Variants in CNTLN observed in about 807,000 individuals in gnomAD.
The protein encoded by CNTLN is centlein.
In CNTLN, 212 loss-of-function variants were observed where a neutral mutation model predicts 180.0. That is an observed-to-expected ratio of 1.18 (90% CI 1.05 to 1.32). The LOEUF (loss-of-function observed/expected upper bound fraction) is 1.32. CNTLN is among the 40% of genes most tolerant of loss of function. The pLI, the probability that CNTLN is intolerant of heterozygous loss-of-function variation, is 0.00. For synonymous variants in CNTLN, 722 were observed against 563.1 expected (o/e 1.28, Z -3.99); for missense variants, 2,095 against 1,610.9 (o/e 1.30, Z -5.14).
intron 6 of CNTLN, among the ~76,000 whole-genome samples, chr9:17,280,035 C>T (rs1781669384): frequency 1.3e-5 from 2 of 152,108 alleles, no homozygotes; most frequent in South Asian, 4.2e-4. Context: ...AGGTCCTCAG[C>T]AGATGGAACC....
intron 12 of CNTLN, among the ~76,000 whole-genome samples, chr9:17,352,347 T>C (rs1453886201): frequency 6.7e-6 from 1 of 150,224 alleles, no homozygotes; most frequent in Non-Finnish European, 1.5e-5. Flanking sequence ...AGCCATTATT[T>C]TTTTCCTCTG....
intron 23 of CNTLN, among the ~76,000 whole-genome samples, chr9:17,474,246 A>C (rs1832207216): frequency 6.6e-6 from 1 of 152,150 alleles, no homozygotes; most frequent in Admixed American, 6.5e-5. Context: ...TAGGCATCTC[A>C]AACTTAACAT....
At chr9:17,296,463 A>G (rs1338064261) in intron 6 of CNTLN, among the ~76,000 whole-genome samples, 1 of 152,134 alleles carries the variant, frequency 6.6e-6, no homozygotes, top group Non-Finnish European at 1.5e-5. Context: ...ATGTTTTAAC[A>G]CTGTATTGAA....
intron 2 of CNTLN, among the ~76,000 whole-genome samples, chr9:17,173,094 C>T (rs141997977): frequency 5.9e-5 from 9 of 152,158 alleles, no homozygotes; most frequent in East Asian, 3.9e-4. Flanking sequence ...TCAAAAAGAA[C>T]GAATAGTACA....
intron 18 of CNTLN, among the ~76,000 whole-genome samples, chr9:17,417,751 C>T (rs187540836): frequency 1.3e-5 from 2 of 152,062 alleles, no homozygotes; most frequent in African/African-American, 4.8e-5. Context: ...CCTAGGGATT[C>T]AACTAAAAAT....
intron 12 of CNTLN, among the ~76,000 whole-genome samples, chr9:17,363,341 A>C (rs993292188): frequency 4.7e-4 from 71 of 152,322 alleles, no homozygotes; most frequent in East Asian, 9.7e-4. Flanking sequence ...TTCCACCAGC[A>C]GTGTAAGAGC....
intron 2 of CNTLN, among the ~76,000 whole-genome samples, chr9:17,179,178 A>C (rs1029989582): frequency 8.0e-5 from 11 of 137,726 alleles, no homozygotes; most frequent in African/African-American, 2.6e-4. Context: ...CGGGAGGCGG[A>C]GCTTGCAGTG....
At chr9:17,416,572 AC>A (rs1760201903) in intron 18 of CNTLN, among the ~76,000 whole-genome samples, 1 of 152,212 alleles carries the variant, frequency 6.6e-6, no homozygotes. Context: ...ATGATAAGTT[AC>A]ATTATTAAAC....
chr9:17,230,002 T>C (rs1032114379), intron 3 of CNTLN, among the ~76,000 whole-genome samples: 18 of 152,286 alleles, frequency 1.2e-4, no homozygotes, highest in African/African-American at 4.1e-4. Context: ...TGGAGTTTAA[T>C]TGAGCTGAAA....
At chr9:17,148,020 A>C (rs1189637777) in intron 2 of CNTLN, among the ~76,000 whole-genome samples, 2 of 152,198 alleles carry the variant, frequency 1.3e-5, no homozygotes, top group Non-Finnish European at 2.9e-5. Context: ...CTGTCTGTGT[A>C]GATGTGTTGT....
At chr9:17,235,537 G>C (rs527607052) in intron 3 of CNTLN, 121 bp from the exon 4 acceptor site, 389 of 772,512 alleles carry the variant, frequency 5.0e-4, no homozygotes, top group Middle Eastern at 1.6e-3. Context: ...TGTGGTGACA[G>C]ACATTATTAT....
intron 25 of CNTLN, among the ~76,000 whole-genome samples, chr9:17,497,835 C>G (rs1833538355): frequency 6.6e-6 from 1 of 152,102 alleles, no homozygotes; most frequent in Non-Finnish European, 1.5e-5. Flanking sequence ...TCTTTAACTA[C>G]AAGATAACAG....
intron 14 of CNTLN, among the ~76,000 whole-genome samples, chr9:17,392,188 G>A (rs111432600): frequency 6.6e-6 from 1 of 152,192 alleles, no homozygotes; most frequent in South Asian, 2.1e-4. Flanking sequence ...GATCACTTGA[G>A]CCCAGGAGGT....
chr9:17,161,676 T>G (rs1159358658), intron 2 of CNTLN, among the ~76,000 whole-genome samples: 2 of 152,342 alleles, frequency 1.3e-5, no homozygotes, highest in East Asian at 3.9e-4. Flanking sequence ...GAGTTTGGAG[T>G]AAAGCAAGAA....
intron 21 of CNTLN, among the ~76,000 whole-genome samples, chr9:17,465,488 CTA>C (rs1341048240): frequency 4.0e-5 from 6 of 150,172 alleles, no homozygotes; most frequent in East Asian, 3.9e-4. Context: ...AACTGAAAAA[CTA>C]TTTTTTCTGT....
intron 19 of CNTLN, among the ~76,000 whole-genome samples, chr9:17,460,911 C>T (rs563163485): frequency 2.0e-5 from 3 of 151,324 alleles, no homozygotes; most frequent in East Asian, 1.9e-4. Flanking sequence ...TAGAAGTATG[C>T]GTATTAAGGG....
chr9:17,481,689 A>G (rs1832656176), intron 23 of CNTLN, among the ~76,000 whole-genome samples: 1 of 152,216 alleles, frequency 6.6e-6, no homozygotes, highest in South Asian at 2.1e-4. Flanking sequence ...GCCTACCTGC[A>G]GCCCAACTGC....
chr9:17,317,927 G>C (rs1819637111), intron 8 of CNTLN, among the ~76,000 whole-genome samples: 1 of 152,140 alleles, frequency 6.6e-6, no homozygotes, highest in Non-Finnish European at 1.5e-5. Context: ...GAGTGAAATG[G>C]AAAGCCGTTG....
intron 18 of CNTLN, among the ~76,000 whole-genome samples, chr9:17,433,036 A>AC (rs1564102046): frequency 2.0e-5 from 3 of 149,894 alleles, no homozygotes; most frequent in Non-Finnish European, 4.4e-5. Flanking sequence ...AAAAAAAAAA[A>AC]AACAAAGATT....
Sources: allele counts gnomAD v4.1 joint callset (sites outside exome capture counted in the v4.1 genomes callset), GRCh38; gene constraint gnomAD v4.1.1; transcripts MANE v1.5; gene names NCBI Gene and HGNC (gene_info 2026-07-23, HGNC 2026-07-21).